SNX29: variants seen among roughly 807,000 people sequenced by gnomAD.
SNX29 encodes the protein sorting nexin-29.
A neutral mutation model predicts 102.1 loss-of-function variants in SNX29; 78 were observed. That is an observed-to-expected ratio of 0.76 (90% confidence interval 0.64 to 0.92). SNX29 has a LOEUF of 0.92. SNX29 is among the 40% of genes least tolerant of loss of function. The probability of loss-of-function intolerance (pLI) is 0.00; values close to 1 mark genes in which losing one functional copy is unlikely to be tolerated. For synonymous variants in SNX29, 580 were observed against 414.5 expected, an observed-to-expected ratio of 1.40 and a Z score of -4.85; for missense variants, 1,280 against 1,061.7, an observed-to-expected ratio of 1.21 and a Z score of -2.86.
chr16:12,179,166 A>G (rs903724663), intron 13 of SNX29, among the ~76,000 whole-genome samples: 5 of 152,190 alleles, frequency 3.3e-5, no homozygotes, highest in Non-Finnish European at 5.9e-5. Context: ...CTACAACAAT[A>G]TAATTGCCAA....
intron 15 of SNX29, among the ~76,000 whole-genome samples, chr16:12,332,739 C>T (rs1000345197): frequency 2.0e-5 from 3 of 152,214 alleles, no homozygotes; most frequent in Admixed American, 6.5e-5. Context: ...AGCCTGATCT[C>T]TAGCACTTCC....
intron 19 of SNX29, among the ~76,000 whole-genome samples, chr16:12,491,579 G>T (rs2088549056): frequency 6.6e-6 from 1 of 151,808 alleles, no homozygotes; most frequent in African/African-American, 2.4e-5. Context: ...TGCACAACGT[G>T]CAGGTTTGTT....
At position 12,339,831 on chromosome 16, in the gene SNX29, G is replaced by A. The variant is rs142139598; in HGVS notation, c.1783-16332G>A. On this transcript the variant is annotated intron_variant, in intron 15 of 20. Coordinates refer to ENST00000566228, the MANE Select transcript of SNX29 (RefSeq NM_032167.5). ...TGAGTCTTCTGCCATCCCTGAACCA[G>A]TCACTGTGGCTAAAGGATGAAATAC... is the stretch of plus-strand genomic sequence containing the variant. Among the ~76,000 whole-genome samples the A allele has an allele frequency of 4.3e-3, 657 of 152,298 alleles. 4 individuals are homozygous for A. Among genetic ancestry groups the A allele is most frequent in the African/African-American group, 0.015 (634 of 41,550 alleles).
At chr16:12,437,453 G>A (rs929846073) in intron 18 of SNX29, among the ~76,000 whole-genome samples, 2 of 152,222 alleles carry the variant, frequency 1.3e-5, no homozygotes, top group Non-Finnish European at 2.9e-5. Context: ...AGGGTTGCCT[G>A]TGCCAGGCAT....
Position 12,150,509 on chromosome 16 carries a change from C to T in SNX29, c.1595+20751C>T, listed in dbSNP as rs184386267. Among the ~76,000 whole-genome samples the T allele has an allele frequency of 7.4e-4, 113 of 152,326 alleles. 1 individual carries two copies. The highest frequency in any genetic ancestry group is 2.2e-3 in the African/African-American group (90 of 41,566). ...ACTGGCGTCTTCAGTGAGATTGTGC[C>T]GCCTTTGTTAACCTGAGTCATTGAG... On this transcript the variant is annotated intron_variant, in intron 13 of 20. Transcript: ENST00000566228.
rs1339571030 is a variant in SNX29, at chr16:12,568,799, AG to A, written c.*171del. 9 of 1,078,200 alleles carry A rather than the reference AG, an allele frequency of 8.3e-6. No homozygotes were observed. Among genetic ancestry groups the A allele is most frequent in the South Asian group, 8.2e-5 (5 of 60,826 alleles). The allele number at this position is 1,078,200 out of a possible 1,614,324, so 66.8% of individuals were successfully genotyped here. ...CCCCGATTAAACTAATCAGTCTTCG[AG>A]CCGCATGATACCGTGACCCGAGAGA... On this transcript the variant is annotated 3_prime_UTR_variant, in exon 21 of 21. Coordinates refer to ENST00000566228, the MANE Select transcript of SNX29 (RefSeq NM_032167.5).
At chr16:12,543,027 T>C (rs2077413045) in intron 20 of SNX29, among the ~76,000 whole-genome samples, 1 of 152,176 alleles carries the variant, frequency 6.6e-6, no homozygotes, top group Admixed American at 6.5e-5. Context: ...AATGGCTGGA[T>C]CCAGAGGCTC....
At chr16:12,362,122 G>A (rs35186612) in intron 16 of SNX29, among the ~76,000 whole-genome samples, 5 of 152,202 alleles carry the variant, frequency 3.3e-5, no homozygotes, top group Non-Finnish European at 7.3e-5. Context: ...TAGAATTGTT[G>A]TTCATTTTAA....
chr16:12,471,949 G>A (rs546580955), intron 18 of SNX29, among the ~76,000 whole-genome samples: 74 of 152,282 alleles, frequency 4.9e-4, no homozygotes, highest in South Asian at 6.2e-4. Context: ...TCACACTGAG[G>A]TCTATGACTG....
In SNX29 at chr16:12,240,885, C is replaced by T. The variant is rs372352345; in HGVS notation, c.1679-37048C>T. ...CCTGTCAAAGTGCTGGGATTACAGGCGTTACCCACCGCACCTTGCCATCTT... is the reference window on the plus strand; with the variant it reads ...CCTGTCAAAGTGCTGGGATTACAGGTGTTACCCACCGCACCTTGCCATCTT... On this transcript the variant is annotated intron_variant, in intron 14 of 20. Transcript: ENST00000566228. Among the ~76,000 whole-genome samples the T allele has an allele frequency of 4.6e-5, 7 of 152,060 alleles. No individual in the cohort carries two copies. The East Asian group carries it at 7.7e-4, about 17-fold the overall frequency.
chr16:12,435,611 CA>C (rs1214697919), intron 18 of SNX29, among the ~76,000 whole-genome samples: 20 of 152,320 alleles, frequency 1.3e-4, no homozygotes, highest in African/African-American at 4.6e-4. Context: ...GTTTAGAAAA[CA>C]CCAGTTTAGA....
chr16:12,007,242 C>T (rs567303140), intron 3 of SNX29, among the ~76,000 whole-genome samples: 4 of 152,314 alleles, frequency 2.6e-5, no homozygotes, highest in East Asian at 1.9e-4. Context: ...CAGTGGCTCA[C>T]GCCTATAATC....
In SNX29 at chr16:11,982,430, T is replaced by G. The variant is rs566513312; in HGVS notation, c.7+5617T>G. 2.0e-3 allele frequency among the ~76,000 whole-genome samples: 306 copies of G among 150,782 alleles called. 3 individuals carry two copies. Among genetic ancestry groups the G allele is most frequent in the African/African-American group, 7.3e-3 (298 of 40,992 alleles). ...GGATGCTCCTTTCCATCAGTTTTTT[T>G]TTTTTTTTTTTTGTTTTGAGATGGA... On this transcript the variant is annotated intron_variant, in intron 1 of 20. Transcript: ENST00000566228.
intron 13 of SNX29, among the ~76,000 whole-genome samples, chr16:12,185,156 C>T (rs370389495): frequency 1.3e-5 from 2 of 152,244 alleles, no homozygotes; most frequent in African/African-American, 4.8e-5. Flanking sequence ...TCCCAGAGTT[C>T]GTATGCAGTA....
intron 18 of SNX29, among the ~76,000 whole-genome samples, chr16:12,462,986 C>T (rs1597466317): frequency 6.6e-6 from 1 of 152,214 alleles, no homozygotes; most frequent in African/African-American, 2.4e-5. Flanking sequence ...AATTAGCTCC[C>T]ATAGCAGTGA....
At chr16:12,066,980 AAAATAAAT>A (rs34221283) in intron 9 of SNX29, among the ~76,000 whole-genome samples, 18,533 of 133,518 alleles carry the variant, frequency 0.14, 1,498 homozygotes, top group African/African-American at 0.23. Context: ...CCGTGTCTCT[AAAATAAAT>A]AAATAAATAA....
chr16:12,126,749 C>T, intron 12 of SNX29, 53 bp downstream of exon 12: 2 of 1,592,132 alleles, frequency 1.3e-6, no homozygotes, highest in South Asian at 2.2e-5. Context: ...CATTCTGCCT[C>T]TGGGGAAGAC....
intron 18 of SNX29, among the ~76,000 whole-genome samples, chr16:12,462,635 TATATC>T (rs1340737919): frequency 2.0e-5 from 3 of 152,180 alleles, no homozygotes; most frequent in Non-Finnish European, 2.9e-5. Flanking sequence ...TACTTATCAA[TATATC>T]ATAAGCAGTG....
At chr16:12,562,699 G>T (rs141655830) in intron 20 of SNX29, among the ~76,000 whole-genome samples, 23 of 152,276 alleles carry the variant, frequency 1.5e-4, no homozygotes, top group African/African-American at 5.3e-4. Flanking sequence ...CTTTGGAGTC[G>T]AGATTGAAGC....
Sources: gnomAD v4.1 joint callset for allele counts (sites outside exome capture counted in the v4.1 genomes callset) on GRCh38, gnomAD v4.1.1 for gene constraint, MANE v1.5 for transcripts, NCBI Gene and HGNC (gene_info 2026-07-23, HGNC 2026-07-21) for gene names.